Variants in HDHD2 observed in about 807,000 individuals in gnomAD.
HDHD2 encodes the protein haloacid dehalogenase-like hydrolase domain-containing protein 2.
HDHD2 carries 26 observed loss-of-function variants against 24.8 expected under a neutral mutation model. The ratio of observed to expected loss-of-function variants is 1.05; its 90% CI spans 0.77 to 1.45. The LOEUF is 1.45. Among genes scored for constraint, HDHD2 ranks in the 40% most tolerant of loss-of-function variants. HDHD2 has a pLI of 0.00. For synonymous variants in HDHD2, 128 were observed against 114.9 expected, an observed-to-expected ratio of 1.11 and a Z score of -0.73; for missense variants, 299 against 313.4, an observed-to-expected ratio of 0.95 and a Z score of 0.35.
Position 47,108,678 on chromosome 18 carries a change from T to C in HDHD2, c.*4A>G. On this transcript the variant is annotated 3_prime_UTR_variant, in exon 7 of 7. Transcript: ENST00000300605. ...TTCAAGTTGCTTCAGATGCACACAC[T>C]GCTTCACAATAGGTGCTGCAGAATG... The C allele has an allele frequency of 6.6e-7, 1 of 1,524,578 alleles. No individual in the cohort carries two copies. The allele number at this position is 1,524,578 out of a possible 1,614,324, so 94.4% of individuals were successfully genotyped here.
At chr18:47,130,845 T>A (rs1453342257) in intron 3 of HDHD2, among the ~76,000 whole-genome samples, 1 of 152,244 alleles carries the variant, frequency 6.6e-6, no homozygotes, top group Admixed American at 6.5e-5. Context: ...GTTTTCTGCA[T>A]AATGCCTTAT....
chr18:47,111,248 A>C (rs1409250674), intron 6 of HDHD2: 1 of 985,188 alleles, frequency 1.0e-6, no homozygotes, highest in East Asian at 1.1e-4. Context: ...TGGTCACAAT[A>C]AAATGCCAGT....
chr18:47,125,133 G>C (rs2144321258), intron 4 of HDHD2, among the ~76,000 whole-genome samples: 1 of 152,176 alleles, frequency 6.6e-6, no homozygotes, highest in Middle Eastern at 3.4e-3. Context: ...CTGCACTCTA[G>C]CCTGGGTGAC....
At chr18:47,143,651 T>C (rs2063840143) in intron 1 of HDHD2, among the ~76,000 whole-genome samples, 2 of 152,238 alleles carry the variant, frequency 1.3e-5, no homozygotes, top group Admixed American at 1.3e-4. Context: ...AATGTTAGCA[T>C]ATGAGCCATA....
At position 47,130,241 on chromosome 18, in the gene HDHD2, TA is replaced by T. The variant is rs757467796; in HGVS notation, c.395+2del. 5.1e-6 allele frequency: 8 copies of T among 1,555,434 alleles called. No homozygotes were observed. Among genetic ancestry groups the T allele is most frequent in the Non-Finnish European group, 7.1e-6 (8 of 1,129,792 alleles). On this transcript the variant is annotated splice_donor_variant, in intron 4 of 6. Transcript: ENST00000300605. LOFTEE classifies it high-confidence loss of function. ...CAGATGAAAAATAAATAGCTAGGTT[TA>T]CCGGAATGCTTGATTCAGAATTTGA... is the stretch of plus-strand genomic sequence containing the variant.
chr18:47,112,195 T>C (rs1337784174), intron 6 of HDHD2, among the ~76,000 whole-genome samples: 2 of 152,210 alleles, frequency 1.3e-5, no homozygotes, highest in African/African-American at 2.4e-5. Flanking sequence ...GCCTGTTCTT[T>C]CTTTATCTCG....
At chr18:47,132,593 T>G (rs2063723645) in intron 3 of HDHD2, among the ~76,000 whole-genome samples, 2 of 152,200 alleles carry the variant, frequency 1.3e-5, no homozygotes, top group South Asian at 4.1e-4. Context: ...GCAAAGTTGG[T>G]TTCTGTTTCT....
At chr18:47,124,355 A>G (rs1022643751) in intron 4 of HDHD2, among the ~76,000 whole-genome samples, 1 of 152,200 alleles carries the variant, frequency 6.6e-6, no homozygotes, top group Admixed American at 6.5e-5. Context: ...AGGCAAATCA[A>G]AGATAGGGAT....
At chr18:47,136,548 C>A in intron 1 of HDHD2, 99 bp from the exon 2 acceptor site, 1 of 962,522 alleles carries the variant, frequency 1.0e-6, no homozygotes, top group Admixed American at 2.7e-5. Context: ...CCAGAAAGAT[C>A]CTGCTTAGTG....
chr18:47,110,523 G>A (rs2063507095), intron 6 of HDHD2: 2 of 985,134 alleles, frequency 2.0e-6, no homozygotes, highest in African/African-American at 1.7e-5. Flanking sequence ...AAATAAATAA[G>A]CTTCCTAGCC....
chr18:47,121,106 T>TAA lies in HDHD2; in HGVS notation c.396-5760_396-5759dup, dbSNP rs112259613. 2.6e-3 allele frequency among the ~76,000 whole-genome samples: 363 copies of TAA among 141,180 alleles called. 2 individuals are homozygous for TAA. Among genetic ancestry groups the TAA allele is most frequent in the African/African-American group, 9.1e-3 (350 of 38,500 alleles). The allele number at this position is 141,180 out of a possible 152,430, so 92.6% of individuals were successfully genotyped here. A position where few individuals can be genotyped will look rare whatever the true frequency, so the allele number is the denominator to read the frequency against. On this transcript the variant is annotated intron_variant, in intron 4 of 6. Coordinates refer to ENST00000300605, the MANE Select transcript of HDHD2 (RefSeq NM_032124.5). ...TAGGGTTACCACAAAATCAGTTTGT[T>TAA]AAAAAAAAAAAAAATGCAAGTGAAG...
chr18:47,136,651 T>TAA lies in HDHD2; in HGVS notation c.-10-204_-10-203dup, dbSNP rs145855456. 1.8e-3 allele frequency among the ~76,000 whole-genome samples: 261 copies of TAA among 149,050 alleles called. 1 individual carries two copies. The highest frequency in any genetic ancestry group is 7.7e-3 in the East Asian group (39 of 5,080). ...CTTTTACAATACTTAGGTTTTTTTT[T>TAA]AAAAAAAAAAAACACTTGAATTAAA... On this transcript the variant is annotated intron_variant, in intron 1 of 6. Coordinates refer to ENST00000300605, the MANE Select transcript of HDHD2 (RefSeq NM_032124.5).
intron 4 of HDHD2, among the ~76,000 whole-genome samples, chr18:47,126,410 A>G (rs1478856438): frequency 6.6e-6 from 1 of 152,116 alleles, no homozygotes; most frequent in African/African-American, 2.4e-5. Context: ...TTTCCTTAAG[A>G]AGGAGATGGG....
intron 1 of HDHD2, among the ~76,000 whole-genome samples, chr18:47,140,434 A>G (rs2063809592): frequency 6.6e-6 from 1 of 152,184 alleles, no homozygotes; most frequent in South Asian, 2.1e-4. Context: ...ATTATTTTAA[A>G]TTACTTTTCT....
intron 4 of HDHD2, among the ~76,000 whole-genome samples, chr18:47,122,916 G>A (rs2063620808): frequency 1.3e-5 from 2 of 151,966 alleles, no homozygotes; most frequent in African/African-American, 4.8e-5. Context: ...GAAGTCTTTG[G>A]GATTAAAAAC....
intron 1 of HDHD2, among the ~76,000 whole-genome samples, chr18:47,148,354 A>T (rs765644386): frequency 1.3e-5 from 2 of 152,196 alleles, no homozygotes; most frequent in African/African-American, 4.8e-5. Context: ...TAATTGTAAA[A>T]TACTAATATA....
At chr18:47,108,869 A>G in intron 6 of HDHD2, 84 bp from the exon 7 acceptor site, 1 of 756,930 alleles carries the variant, frequency 1.3e-6, no homozygotes, top group African/African-American at 1.8e-5. Context: ...GGGTCATCAC[A>G]GCACCACCCT....
intron 3 of HDHD2, among the ~76,000 whole-genome samples, chr18:47,130,750 G>C (rs1366044236): frequency 6.6e-6 from 1 of 152,148 alleles, no homozygotes; most frequent in Non-Finnish European, 1.5e-5. Flanking sequence ...GAGAATCTAA[G>C]AGGCAAGGGA....
intron 4 of HDHD2, among the ~76,000 whole-genome samples, chr18:47,127,939 TA>T (rs907408554): frequency 3.3e-5 from 5 of 152,350 alleles, no homozygotes; most frequent in African/African-American, 1.2e-4. Flanking sequence ...ATTATCAGCC[TA>T]AACAGTAATT....
Sources: gnomAD v4.1 joint callset for allele counts (sites outside exome capture counted in the v4.1 genomes callset) on GRCh38, gnomAD v4.1.1 for gene constraint, MANE v1.5 for transcripts, NCBI Gene and HGNC (gene_info 2026-07-23, HGNC 2026-07-21) for gene names.